The following SH2D4A variants were observed in gnomAD, a reference collection of about 807,000 sequenced individuals.
SH2D4A encodes the protein SH2 domain-containing protein 4A.
A neutral mutation model predicts 64.7 loss-of-function variants in SH2D4A; 70 were observed. The observed-to-expected ratio is 1.08, with a 90% CI of 0.89 to 1.32. The LOEUF is 1.32. Ranked by LOEUF, SH2D4A falls within the 40% of genes most tolerant of loss-of-function variation. The pLI is 0.00. For synonymous variants in SH2D4A, 268 were observed against 200.7 expected, an observed-to-expected ratio of 1.34 and a Z score of -2.83; for missense variants, 706 against 540.1, an observed-to-expected ratio of 1.31 and a Z score of -3.04.
At chr8:19,393,628 C>G (rs1042876434) in intron 9 of SH2D4A, 87 bp downstream of exon 9, 1 of 1,347,382 alleles carries the variant, frequency 7.4e-7, no homozygotes, top group African/African-American at 1.4e-5. Context: ...AAGAAAAGGA[C>G]TGAGACAAGT....
Position 19,329,259 on chromosome 8 carries a change from C to T in SH2D4A, c.182-3696C>T, listed in dbSNP as rs1246638823. ...CTTTACAGAGCAATCTCTCCATCCC[C>T]TGAATCCTCACTGGACTTAGTAGAA... On this transcript the variant is annotated intron_variant, in intron 2 of 9. Transcript: ENST00000265807. Among the ~76,000 whole-genome samples the T allele has an allele frequency of 2.0e-5, 3 of 152,198 alleles. No homozygotes were observed. In the East Asian group the frequency reaches 5.8e-4, roughly 29 times the overall value.
intron 6 of SH2D4A, 135 bp downstream of exon 6, chr8:19,361,449 T>A: frequency 1.2e-6 from 1 of 833,802 alleles, no homozygotes; most frequent in Non-Finnish European, 1.7e-6. Context: ...ACTCAAATGT[T>A]ATTACTAACT....
intron 8 of SH2D4A, among the ~76,000 whole-genome samples, chr8:19,383,323 A>C (rs756166539): frequency 1.3e-5 from 2 of 151,352 alleles, no homozygotes; most frequent in African/African-American, 2.4e-5. Flanking sequence ...TCCCTGCTTA[A>C]ATCTGCCTGT....
chr8:19,321,837 C>CT (rs2052197141), intron 2 of SH2D4A, among the ~76,000 whole-genome samples: 1 of 152,166 alleles, frequency 6.6e-6, no homozygotes, highest in Non-Finnish European at 1.5e-5. Flanking sequence ...GGCCCAGACT[C>CT]TGTTAGACTT....
At chr8:19,389,362 C>A (rs1400969458) in intron 8 of SH2D4A, among the ~76,000 whole-genome samples, 1 of 152,190 alleles carries the variant, frequency 6.6e-6, no homozygotes, top group Non-Finnish European at 1.5e-5. Context: ...GTTAGGGTAG[C>A]CCCTAAACAC....
At chr8:19,387,701 A>C (rs1386260772) in intron 8 of SH2D4A, among the ~76,000 whole-genome samples, 1 of 152,222 alleles carries the variant, frequency 6.6e-6, no homozygotes, top group African/African-American at 2.4e-5. Context: ...GCCTGGCTTC[A>C]AATCTGAGTC....
chr8:19,332,921 A>T (rs1563188205), intron 2 of SH2D4A, 34 bp from the exon 3 acceptor site: 2 of 1,599,846 alleles, frequency 1.3e-6, no homozygotes, highest in Non-Finnish European at 1.7e-6. Flanking sequence ...ATATTTGTTC[A>T]ATCTGAATTT....
chr8:19,316,982 G>C (rs2052099604), intron 1 of SH2D4A, among the ~76,000 whole-genome samples: 1 of 152,180 alleles, frequency 6.6e-6, no homozygotes, highest in Non-Finnish European at 1.5e-5. Flanking sequence ...TGCAGGGCGG[G>C]GGAGACTGGA....
chr8:19,345,693 G>A (rs1361334632), intron 4 of SH2D4A, among the ~76,000 whole-genome samples: 2 of 152,220 alleles, frequency 1.3e-5, no homozygotes, highest in African/African-American at 2.4e-5. Context: ...GTAGAGAGCT[G>A]TACCTTCCTG....
At chr8:19,313,898 G>T in intron 1 of SH2D4A, 75 bp downstream of exon 1, 1 of 1,372,292 alleles carries the variant, frequency 7.3e-7, no homozygotes, top group Non-Finnish European at 9.4e-7. Flanking sequence ...GAATTTCCTC[G>T]GAGGTTGCAT....
chr8:19,367,873 T>A (rs1165588054), intron 7 of SH2D4A, among the ~76,000 whole-genome samples: 1 of 152,070 alleles, frequency 6.6e-6, no homozygotes, highest in Non-Finnish European at 1.5e-5. Context: ...GCCAGGAGTT[T>A]GAGAGAAGCC....
At chr8:19,313,867 G>A in intron 1 of SH2D4A, 44 bp downstream of exon 1, 1 of 1,431,790 alleles carries the variant, frequency 7.0e-7, no homozygotes, top group South Asian at 1.4e-5. Context: ...GAGTGTGCGT[G>A]GGGTGGGAGT....
chr8:19,321,492 G>A (rs779226114), intron 2 of SH2D4A, among the ~76,000 whole-genome samples: 1 of 152,188 alleles, frequency 6.6e-6, no homozygotes, highest in Non-Finnish European at 1.5e-5. Flanking sequence ...GGGATTACAG[G>A]CCTGAGCCAC....
intron 8 of SH2D4A, among the ~76,000 whole-genome samples, chr8:19,380,910 T>C (rs2053282356): frequency 6.6e-6 from 1 of 152,182 alleles, no homozygotes; most frequent in Non-Finnish European, 1.5e-5. Context: ...CTACAAAAAA[T>C]GTTGGGATTT....
Position 19,394,645 on chromosome 8 carries a change from G to T in SH2D4A, c.*3G>T, listed in dbSNP as rs1466935679. 1 of 1,603,192 alleles carries T rather than the reference G, an allele frequency of 6.2e-7. No individual in the cohort carries two copies. Among genetic ancestry groups the T allele is most frequent in the Admixed American group, 1.7e-5 (1 of 59,196 alleles). On this transcript the variant is annotated 3_prime_UTR_variant, in exon 10 of 10. Coordinates refer to ENST00000265807, the MANE Select transcript of SH2D4A (RefSeq NM_022071.4). ...ACTACCTGGAGCTGTTTGAGTGACA[G>T]CCTCCATCAGGGTCATCCTACAGCC... is the stretch of plus-strand genomic sequence containing the variant.
chr8:19,371,879 T>A (rs2053105131), intron 7 of SH2D4A, among the ~76,000 whole-genome samples: 2 of 152,200 alleles, frequency 1.3e-5, no homozygotes, highest in African/African-American at 2.4e-5. Flanking sequence ...AGGATTTGAT[T>A]TTTTAAAATT....
chr8:19,350,283 G>A (rs1270304223), intron 4 of SH2D4A, among the ~76,000 whole-genome samples: 1 of 152,190 alleles, frequency 6.6e-6, no homozygotes, highest in East Asian at 1.9e-4. Flanking sequence ...CAAGCAACCT[G>A]CACCAGCTCT....
rs1236882324 is a variant in SH2D4A, at chr8:19,361,269, C to G, written c.661C>G (p.Gln221Glu). ...INQIEEERTKQICKSWKEDSE... is the reference protein window; with the variant it reads ...INQIEEERTKEICKSWKEDSE... The stretch of plus-strand genomic sequence containing the variant: ...TCAAATAGAAGAAGAGAGAACGAAG[C>G]AGATTTGTAAGAGCTGGAAAGAAGA... The change falls in exon 6 of 10, where the codon CAG becomes GAG. Residue 221 changes from glutamine to glutamate, a missense_variant. Physicochemically the swap from Gln to Glu is conservative, Grantham distance 29 (BLOSUM62 2). Transcript: ENST00000265807. 6.2e-7 allele frequency: 1 copy of G among 1,611,984 alleles called. No individual in the cohort carries two copies. The highest frequency in any genetic ancestry group is 1.3e-5 in the African/African-American group (1 of 74,806).
chr8:19,363,725 C>T (rs2052933197), intron 6 of SH2D4A: 1 of 336,386 alleles, frequency 3.0e-6, no homozygotes, highest in Non-Finnish European at 5.7e-6. Context: ...CTCAGCACCC[C>T]TGCCAGCTTG....
Sources: allele counts gnomAD v4.1 joint callset (sites outside exome capture counted in the v4.1 genomes callset), GRCh38; gene constraint gnomAD v4.1.1; transcripts MANE v1.5; gene names NCBI Gene and HGNC (gene_info 2026-07-23, HGNC 2026-07-21).